The following BANP variants were observed in gnomAD, a reference collection of about 807,000 sequenced individuals.
BANP encodes BTG3 associated nuclear protein, also known as protein BANP.
A neutral mutation model predicts 68.1 loss-of-function variants in BANP; 11 were observed. That is an observed-to-expected ratio of 0.16 (90% CI 0.10 to 0.27). The LOEUF (loss-of-function observed/expected upper bound fraction) is 0.27, where lower values mean the gene tolerates loss of function less well. BANP is among the 10% of genes least tolerant of loss of function. BANP has a pLI of 1.00. For synonymous variants in BANP, 329 were observed against 303.2 expected (o/e 1.09, Z -0.88); for missense variants, 504 against 722.7 (o/e 0.70, Z 3.47).
intron 4 of BANP, among the ~76,000 whole-genome samples, chr16:87,984,640 C>G (rs1003981754): frequency 7.2e-5 from 11 of 152,322 alleles, no homozygotes; most frequent in Middle Eastern, 3.4e-3. Context: ...ATATATCAAA[C>G]TTTTCATTCA....
At chr16:88,051,175 A>G (rs1393709408) in intron 11 of BANP, among the ~76,000 whole-genome samples, 1 of 152,170 alleles carries the variant, frequency 6.6e-6, no homozygotes, top group Non-Finnish European at 1.5e-5. Context: ...TCAAGGCTCC[A>G]GGATGGGGGC....
At chr16:88,038,053 C>T (rs1437172820) in intron 11 of BANP, 42 bp downstream of exon 11, 2 of 1,602,300 alleles carry the variant, frequency 1.2e-6, no homozygotes, top group African/African-American at 2.7e-5. Context: ...CGTTGCGCTG[C>T]CGAGGGATGG....
chr16:88,072,970 G>C (rs866253904), intron 13 of BANP, among the ~76,000 whole-genome samples: 3 of 152,246 alleles, frequency 2.0e-5, no homozygotes, highest in Non-Finnish European at 4.4e-5. Context: ...CTTTGGGTCT[G>C]TTCCGCTCCT....
At chr16:87,950,267 CAG>C (rs2056686930), upstream of BANP, among the ~76,000 whole-genome samples, 1 of 152,054 alleles carries the variant, frequency 6.6e-6, no homozygotes, top group Non-Finnish European at 1.5e-5. Context: ...ATTGAGGAAA[CAG>C]AGGCGAGTAT....
intron 6 of BANP, among the ~76,000 whole-genome samples, chr16:88,016,282 C>T (rs2074537610): frequency 6.6e-6 from 1 of 152,196 alleles, no homozygotes; most frequent in Admixed American, 6.5e-5. Context: ...GCCAATGCTC[C>T]AGAGCCGCCT....
intron 11 of BANP, among the ~76,000 whole-genome samples, chr16:88,046,445 C>T (rs572546642): frequency 8.6e-4 from 131 of 152,316 alleles, no homozygotes; most frequent in Non-Finnish European, 1.4e-3. Flanking sequence ...CTCAGCATAA[C>T]GTGGACGTGC....
In BANP at chr16:88,040,489, C is replaced by A. The variant is rs150679424; in HGVS notation, c.1311+2478C>A. 3.9e-3 allele frequency among the ~76,000 whole-genome samples: 585 copies of A among 150,254 alleles called. 5 individuals are homozygous for A. The highest frequency in any genetic ancestry group is 0.014 in the African/African-American group (567 of 40,032). On this transcript the variant is annotated intron_variant, in intron 11 of 13. Coordinates refer to ENST00000682872, the MANE Select transcript of BANP (RefSeq NM_001386991.1). ...TCCCCGTCCCCATGCCTACAGAAGC[C>A]CCGAGCAGTGCGGGGGTCACACGGC... is the stretch of plus-strand genomic sequence containing the variant.
chr16:88,026,014 G>A (rs533971210), intron 7 of BANP, among the ~76,000 whole-genome samples: 4 of 152,176 alleles, frequency 2.6e-5, no homozygotes, highest in South Asian at 2.1e-4. Flanking sequence ...GGAAGTGGCC[G>A]GGCGTGCAGT....
At chr16:88,037,264 G>C (rs1332150600) in intron 10 of BANP, 1 of 152,214 alleles carries the variant, frequency 6.6e-6, no homozygotes, top group Non-Finnish European at 1.5e-5. Context: ...TTTCAAAACT[G>C]AATCCATCTT....
At chr16:87,974,474 A>G (rs548729262) in intron 1 of BANP, among the ~76,000 whole-genome samples, 4 of 152,358 alleles carry the variant, frequency 2.6e-5, no homozygotes, top group Admixed American at 6.5e-5. Context: ...GAGAGCAGAA[A>G]GAAAGCAGAA....
chr16:87,989,595 C>T (rs11648838), intron 4 of BANP, among the ~76,000 whole-genome samples: 43,961 of 89,572 alleles, frequency 0.49, 9,978 homozygotes, highest in African/African-American at 0.56. Context: ...GGGCGGGTGA[C>T]GGGGGATGCA....
intron 6 of BANP, among the ~76,000 whole-genome samples, chr16:88,015,382 G>A (rs1370559289): frequency 2.0e-5 from 3 of 152,202 alleles, no homozygotes; most frequent in African/African-American, 4.8e-5. Context: ...CTCGGACCAC[G>A]CTGGGCGTGG....
intron 11 of BANP, among the ~76,000 whole-genome samples, chr16:88,050,942 C>T (rs1320772317): frequency 6.6e-6 from 1 of 152,242 alleles, no homozygotes; most frequent in Admixed American, 6.5e-5. Flanking sequence ...CTGCCTCAGC[C>T]TCCCAAAGTG....
intron 11 of BANP, among the ~76,000 whole-genome samples, chr16:88,042,178 C>T (rs1448068186): frequency 1.3e-5 from 2 of 152,230 alleles, no homozygotes; most frequent in African/African-American, 4.8e-5. Context: ...CTCCTGTGAC[C>T]AGTGTTGGGG....
intron 7 of BANP, among the ~76,000 whole-genome samples, chr16:88,025,251 G>T (rs1483122282): frequency 1.3e-5 from 2 of 152,110 alleles, no homozygotes; most frequent in Admixed American, 1.3e-4. Context: ...TAACTATGGT[G>T]CAACCTCTGG....
chr16:87,974,787 A>C (rs1202545556), intron 1 of BANP, among the ~76,000 whole-genome samples: 1 of 152,150 alleles, frequency 6.6e-6, no homozygotes, highest in Admixed American at 6.5e-5. Flanking sequence ...TTGGAAGGGC[A>C]TGAGGAACAC....
chr16:87,973,943 C>G (rs941465622), intron 1 of BANP, among the ~76,000 whole-genome samples: 1 of 152,050 alleles, frequency 6.6e-6, no homozygotes, highest in South Asian at 2.1e-4. Context: ...TGAATAGACT[C>G]AAGAGTTGAA....
At chr16:88,035,951 A>G (rs1312779529) in intron 10 of BANP, among the ~76,000 whole-genome samples, 7 of 152,188 alleles carry the variant, frequency 4.6e-5, no homozygotes, top group Non-Finnish European at 8.8e-5. Context: ...CCGGCCACGC[A>G]CTCAGAAGTG....
chr16:87,973,536 G>A lies in BANP; in HGVS notation c.-68-1512G>A, dbSNP rs11117325. On this transcript the variant is annotated intron_variant, in intron 1 of 13. Coordinates refer to ENST00000682872, the MANE Select transcript of BANP (RefSeq NM_001386991.1). The stretch of plus-strand genomic sequence containing the variant: ...AGCACCTTGGGAGGCCGAGGCATGC[G>A]GATCACCTGAGGTCGGGAGTTCAAG... 8.6e-5 allele frequency among the ~76,000 whole-genome samples: 13 copies of A among 151,908 alleles called. No homozygotes were observed. The South Asian group carries it at 2.3e-3, about 27-fold the overall frequency.
Sources: gnomAD v4.1 joint callset for allele counts (sites outside exome capture counted in the v4.1 genomes callset) on GRCh38, gnomAD v4.1.1 for gene constraint, MANE v1.5 for transcripts, NCBI Gene and HGNC (gene_info 2026-07-23, HGNC 2026-07-21) for gene names.